The following DENND4C variants were observed in gnomAD, a reference collection of about 807,000 sequenced individuals.
DENND4C encodes the protein DENN domain-containing protein 4C.
DENND4C carries 108 observed loss-of-function variants against 203.0 expected under a neutral mutation model. The ratio of observed to expected loss-of-function variants is 0.53; its 90% CI spans 0.46 to 0.62. The LOEUF (loss-of-function observed/expected upper bound fraction) is 0.62. Ranked by LOEUF, DENND4C falls within the 20% of genes least tolerant of loss-of-function variation. The pLI is 0.00. For synonymous variants in DENND4C, 871 were observed against 792.4 expected, an observed-to-expected ratio of 1.10 and a Z score of -1.67; for missense variants, 2,481 against 2,301.2, an observed-to-expected ratio of 1.08 and a Z score of -1.60.
intron 5 of DENND4C, among the ~76,000 whole-genome samples, chr9:19,293,308 G>C (rs1383601201): frequency 2.6e-5 from 4 of 152,150 alleles, no homozygotes; most frequent in Non-Finnish European, 5.9e-5. Flanking sequence ...ATTTGTCATT[G>C]CTTGTTAAAA....
intron 10 of DENND4C, among the ~76,000 whole-genome samples, chr9:19,310,979 G>A (rs1563789839): frequency 6.6e-6 from 1 of 152,038 alleles, no homozygotes; most frequent in African/African-American, 2.4e-5. Flanking sequence ...AAATGATATT[G>A]GCCTGATGTA....
chr9:19,256,402 C>T (rs1455249597), intron 1 of DENND4C, among the ~76,000 whole-genome samples: 2 of 147,334 alleles, frequency 1.4e-5, no homozygotes, highest in African/African-American at 5.0e-5. Flanking sequence ...CTGCCATCTC[C>T]ACCTCCTGAG....
At chr9:19,352,813 T>C in intron 26 of DENND4C, 148 bp downstream of exon 26, 1 of 541,122 alleles carries the variant, frequency 1.8e-6, no homozygotes. Context: ...ACTAGTAATG[T>C]GGGAGTCTAC....
intron 1 of DENND4C, among the ~76,000 whole-genome samples, chr9:19,246,281 GA>G (rs1359428068): frequency 2.0e-5 from 3 of 152,156 alleles, no homozygotes; most frequent in African/African-American, 4.8e-5. Context: ...TGTGGCTGGA[GA>G]AAACAAATAC....
chr9:19,371,689 TA>T (rs908487986), intron 31 of DENND4C, 66 bp from the exon 32 acceptor site: 218 of 799,888 alleles, frequency 2.7e-4, no homozygotes, highest in Admixed American at 6.1e-4. Flanking sequence ...TCTTCACCAT[TA>T]AAAAAAATGC....
At chr9:19,233,228 C>A (rs990671466) in intron 1 of DENND4C, among the ~76,000 whole-genome samples, 1 of 150,504 alleles carries the variant, frequency 6.6e-6, no homozygotes, top group East Asian at 1.9e-4. Context: ...ATAGCAAGGG[C>A]AGATAAGCTT....
chr9:19,348,774 T>C (rs961874016), intron 23 of DENND4C, among the ~76,000 whole-genome samples: 3 of 152,088 alleles, frequency 2.0e-5, no homozygotes, highest in Non-Finnish European at 4.4e-5. Context: ...TGTCTTAATC[T>C]GGCATTATGA....
At chr9:19,250,572 C>T (rs984126909) in intron 1 of DENND4C, among the ~76,000 whole-genome samples, 2 of 151,838 alleles carry the variant, frequency 1.3e-5, no homozygotes, top group Non-Finnish European at 2.9e-5. Context: ...AGTCCACAGT[C>T]CAAAGTCTCA....
chr9:19,323,276 A>T (rs1489699290), intron 12 of DENND4C, among the ~76,000 whole-genome samples: 1 of 152,108 alleles, frequency 6.6e-6, no homozygotes, highest in Admixed American at 6.5e-5. Flanking sequence ...CTAAAAATAC[A>T]AAAATTAGCC....
intron 1 of DENND4C, among the ~76,000 whole-genome samples, chr9:19,254,077 T>C (rs957357949): frequency 6.6e-5 from 10 of 152,248 alleles, no homozygotes; most frequent in African/African-American, 2.4e-4. Flanking sequence ...TCAAAAGCTT[T>C]TGTTAATACA....
intron 10 of DENND4C, among the ~76,000 whole-genome samples, chr9:19,315,306 T>C (rs1019269385): frequency 6.6e-6 from 1 of 152,044 alleles, no homozygotes; most frequent in Non-Finnish European, 1.5e-5. Context: ...AGGCTGTCTG[T>C]TAATCTTCAG....
intron 1 of DENND4C, among the ~76,000 whole-genome samples, chr9:19,253,324 G>T (rs1176620475): frequency 1.3e-5 from 2 of 152,200 alleles, no homozygotes; most frequent in Non-Finnish European, 2.9e-5. Context: ...TTAATATCAT[G>T]CCCAACGCCT....
intron 10 of DENND4C, among the ~76,000 whole-genome samples, chr9:19,311,226 C>G (rs1305799617): frequency 6.6e-6 from 1 of 152,082 alleles, no homozygotes; most frequent in Non-Finnish European, 1.5e-5. Flanking sequence ...TGGGTTCAAG[C>G]AATTCTTGTG....
At chr9:19,304,927 T>A (rs1839376363) in intron 9 of DENND4C, among the ~76,000 whole-genome samples, 1 of 151,078 alleles carries the variant, frequency 6.6e-6, no homozygotes, top group South Asian at 2.1e-4. Context: ...TTTTTTTAAA[T>A]CCTGGATGCT....
chr9:19,293,509 A>G (rs1462088384), intron 5 of DENND4C, among the ~76,000 whole-genome samples: 7 of 152,114 alleles, frequency 4.6e-5, no homozygotes, highest in Non-Finnish European at 1.0e-4. Context: ...GTGTAAAGGC[A>G]AGGGTTCCTG....
At chr9:19,369,780 T>TAA (rs1563849964) in intron 30 of DENND4C, 57 bp from the exon 31 acceptor site, 2 of 785,878 alleles carry the variant, frequency 2.5e-6, no homozygotes, top group Non-Finnish European at 3.3e-6. Context: ...AAAAAAAAAA[T>TAA]AATAATAATA....
intron 17 of DENND4C, 50 bp downstream of exon 17, chr9:19,332,234 C>G: frequency 1.3e-6 from 2 of 1,556,832 alleles, no homozygotes; most frequent in Non-Finnish European, 1.8e-6. Flanking sequence ...TATTTTTGTA[C>G]TTCTAATAAA....
At chr9:19,320,163 A>T (rs1467916292) in intron 12 of DENND4C, among the ~76,000 whole-genome samples, 1 of 152,146 alleles carries the variant, frequency 6.6e-6, no homozygotes, top group Non-Finnish European at 1.5e-5. Flanking sequence ...TCAGATTTTT[A>T]AAATCATTGA....
chr9:19,231,155 C>T (rs1047549621), intron 1 of DENND4C, among the ~76,000 whole-genome samples: 1 of 152,198 alleles, frequency 6.6e-6, no homozygotes, highest in Admixed American at 6.5e-5. Flanking sequence ...GGTCTGGGCC[C>T]GGGGGACCGC....
Sources: allele counts gnomAD v4.1 joint callset (sites outside exome capture counted in the v4.1 genomes callset), GRCh38; gene constraint gnomAD v4.1.1; transcripts MANE v1.5; gene names NCBI Gene and HGNC (gene_info 2026-07-23, HGNC 2026-07-21).